ASCC3: variants seen among roughly 807,000 people sequenced by gnomAD.
The protein encoded by ASCC3 is ASC-1 complex subunit P200.
A neutral mutation model predicts 256.3 loss-of-function variants in ASCC3; 158 were observed. The ratio of observed to expected loss-of-function variants is 0.62; its 90% CI spans 0.54 to 0.70. The LOEUF (loss-of-function observed/expected upper bound fraction) is 0.70, where lower values mean the gene tolerates loss of function less well. Among genes scored for constraint, ASCC3 ranks in the 30% least tolerant of loss-of-function variants. ASCC3 has a pLI of 0.00. For missense variants in ASCC3, 2,259 were observed against 2,626.0 expected (o/e 0.86, Z 3.05); for synonymous variants, 948 against 883.4 (o/e 1.07, Z -1.30).
At chr6:100,516,556 A>G (rs1774038785) in intron 38 of ASCC3, among the ~76,000 whole-genome samples, 1 of 152,170 alleles carries the variant, frequency 6.6e-6, no homozygotes, top group Non-Finnish European at 1.5e-5. Context: ...AAGTCAGTAA[A>G]TACTTAGGGT....
chr6:100,650,486 T>TC lies in ASCC3; in HGVS notation c.3252+51dup, dbSNP rs1446758600. 2.5e-6 allele frequency: 4 copies of TC among 1,573,820 alleles called. No individual in the cohort carries two copies. In the African/African-American group the frequency reaches 4.1e-5, roughly 16 times the overall value. ...AGCACAGCATGAATTAACACCTTGG[T>TC]CCTCTAAATATATTCAAGGAAGAGA... is the stretch of plus-strand genomic sequence containing the variant. On this transcript the variant is annotated intron_variant, in intron 20 of 41. Transcript: ENST00000369162.
chr6:100,625,036 T>C (rs1173086653), intron 30 of ASCC3, among the ~76,000 whole-genome samples, 156 bp downstream of exon 30: 3 of 151,984 alleles, frequency 2.0e-5, no homozygotes, highest in Non-Finnish European at 2.9e-5. Context: ...AGTGGGACTA[T>C]AGTAGAACAA....
At chr6:100,824,375 C>G (rs1030809327) in intron 4 of ASCC3, among the ~76,000 whole-genome samples, 1 of 152,142 alleles carries the variant, frequency 6.6e-6, no homozygotes, top group African/African-American at 2.4e-5. Flanking sequence ...AAAAATAAGT[C>G]TACTTGGAGT....
intron 10 of ASCC3, among the ~76,000 whole-genome samples, chr6:100,726,598 A>G (rs1266973922): frequency 6.6e-6 from 1 of 152,074 alleles, no homozygotes; most frequent in Non-Finnish European, 1.5e-5. Flanking sequence ...AGATTTTCAA[A>G]TTAGAGATGC....
intron 14 of ASCC3, among the ~76,000 whole-genome samples, chr6:100,676,748 G>GCA (rs1562218778): frequency 8.4e-6 from 1 of 119,520 alleles, no homozygotes; most frequent in East Asian, 2.7e-4. Flanking sequence ...GCGCGCGTGC[G>GCA]CGCACACACA....
chr6:100,828,107 A>AAC (rs1771416990), intron 4 of ASCC3, among the ~76,000 whole-genome samples: 1 of 150,892 alleles, frequency 6.6e-6, no homozygotes, highest in African/African-American at 2.4e-5. Context: ...AAAAAAAAAA[A>AAC]ACGAAAAAAA....
intron 24 of ASCC3, among the ~76,000 whole-genome samples, chr6:100,641,023 G>T (rs919224294): frequency 2.0e-5 from 3 of 151,894 alleles, no homozygotes; most frequent in Non-Finnish European, 4.4e-5. Flanking sequence ...ATAAATTAAG[G>T]CCCTCTTAAA....
At chr6:100,825,958 G>A (rs1216859577) in intron 4 of ASCC3, among the ~76,000 whole-genome samples, 1 of 151,808 alleles carries the variant, frequency 6.6e-6, no homozygotes, top group Non-Finnish European at 1.5e-5. Flanking sequence ...GATCAGCACA[G>A]ATCACAAAGA....
At chr6:100,651,950 G>A (rs1281010456) in intron 18 of ASCC3, among the ~76,000 whole-genome samples, 1 of 152,002 alleles carries the variant, frequency 6.6e-6, no homozygotes, top group Non-Finnish European at 1.5e-5. Context: ...ATTCTGGTTT[G>A]TGCTTATTTT....
chr6:100,714,953 A>G (rs1779022443), intron 13 of ASCC3, among the ~76,000 whole-genome samples: 1 of 152,070 alleles, frequency 6.6e-6, no homozygotes, highest in Non-Finnish European at 1.5e-5. Context: ...AACACTTTAC[A>G]TGTCATAAAA....
At chr6:100,831,144 T>C (rs1771598016) in intron 4 of ASCC3, among the ~76,000 whole-genome samples, 1 of 152,084 alleles carries the variant, frequency 6.6e-6, no homozygotes, top group African/African-American at 2.4e-5. Context: ...CAATCATTTC[T>C]CTTTAAATAA....
intron 10 of ASCC3, among the ~76,000 whole-genome samples, chr6:100,736,973 C>A (rs992846503): frequency 2.6e-5 from 4 of 152,120 alleles, no homozygotes; most frequent in Non-Finnish European, 4.4e-5. Context: ...TACAGTGAAA[C>A]CCCAACTCTA....
chr6:100,725,710 G>T lies in ASCC3; in HGVS notation c.1738-7C>A. 6.2e-7 allele frequency: 1 copy of T among 1,612,028 alleles called. No individual in the cohort carries two copies. Among genetic ancestry groups the T allele is most frequent in the Non-Finnish European group, 8.5e-7 (1 of 1,178,652 alleles). On this transcript the variant is annotated splice_polypyrimidine_tract_variant and splice_region_variant and intron_variant, in intron 10 of 41. Transcript: ENST00000369162. ...CTGGTGTGGTCACAAGCATCTATAA[G>T]AGAAGACACATTTTAAAAGGGGAAA... is the stretch of plus-strand genomic sequence containing the variant.
At chr6:100,717,998 A>T in intron 12 of ASCC3, 77 bp downstream of exon 12, 1 of 1,405,966 alleles carries the variant, frequency 7.1e-7, no homozygotes, top group Non-Finnish European at 9.9e-7. Flanking sequence ...GGTCTTTTGG[A>T]GTCTCTAACT....
chr6:100,779,768 T>C (rs1225787530), intron 8 of ASCC3, among the ~76,000 whole-genome samples: 1 of 152,180 alleles, frequency 6.6e-6, no homozygotes, highest in Admixed American at 6.5e-5. Context: ...CTAGGGCAAG[T>C]ATCTTTATCT....
At position 100,582,145 on chromosome 6, in the gene ASCC3, G is replaced by C. The variant is rs543658663; in HGVS notation, c.5550+7489C>G. On this transcript the variant is annotated intron_variant, in intron 36 of 41. Coordinates refer to ENST00000369162, the MANE Select transcript of ASCC3 (RefSeq NM_006828.4). ...AAGAAAGTCATTGGTAGCTTGATGG[G>C]GATGGCATTGAATCTATAAATTACC... Among the ~76,000 whole-genome samples, 14 of 151,822 alleles carry C rather than the reference G, an allele frequency of 9.2e-5. No homozygotes were observed. The East Asian group carries it at 2.7e-3, about 30-fold the overall frequency.
At position 100,589,941 on chromosome 6, in the gene ASCC3, G is replaced by T; in HGVS notation, c.5415+7C>A. ...TTTCAATTAGAATGCATATGACTAA[G>T]TCATACCTCTCCAATTTCAATACAG... On this transcript the variant is annotated splice_region_variant and intron_variant, in intron 35 of 41. Coordinates refer to ENST00000369162, the MANE Select transcript of ASCC3 (RefSeq NM_006828.4). 1 of 1,606,110 alleles carries T rather than the reference G, an allele frequency of 6.2e-7. No homozygotes were observed. The highest frequency in any genetic ancestry group is 8.5e-7 in the Non-Finnish European group (1 of 1,172,960).
chr6:100,518,292 A>C, intron 37 of ASCC3, 150 bp from the exon 38 acceptor site: 2 of 887,146 alleles, frequency 2.3e-6, no homozygotes, highest in Non-Finnish European at 3.6e-6. Flanking sequence ...CAGAAAATAA[A>C]TCACAGTTGG....
intron 36 of ASCC3, 110 bp from the exon 37 acceptor site, chr6:100,540,497 T>A: frequency 6.6e-6 from 6 of 914,634 alleles, no homozygotes; most frequent in Non-Finnish European, 1.0e-5. Context: ...ACAATAACCA[T>A]ATCCCTTAGA....
Sources: allele counts gnomAD v4.1 joint callset (sites outside exome capture counted in the v4.1 genomes callset), GRCh38; gene constraint gnomAD v4.1.1; transcripts MANE v1.5; gene names NCBI Gene and HGNC (gene_info 2026-07-23, HGNC 2026-07-21).